GARIN1B: variants seen among roughly 807,000 people sequenced by gnomAD.
GARIN1B encodes Golgi-associated RAB2 interactor protein 1B.
the GARIN1B span, chr7:128,723,131 G>T: frequency 6.8e-7 from 1 of 1,476,624 alleles, no homozygotes; most frequent in Non-Finnish European, 9.0e-7. Context: ...TCTGGACCAT[G>T]ATATTAGGAA....
chr7:128,723,584 G>A, the GARIN1B span, among the ~76,000 whole-genome samples: 1 of 147,824 alleles, frequency 6.8e-6, no homozygotes, highest in Admixed American at 6.8e-5. Context: ...TTTGAGATAG[G>A]CTCTCACTCC....
At chr7:128,717,059 T>G in the GARIN1B span, 5 of 1,449,922 alleles carry the variant, frequency 3.4e-6, no homozygotes, top group Non-Finnish European at 4.7e-6. Flanking sequence ...AAGTGGAGGT[T>G]GCTTGACTAC....
At chr7:128,723,684 G>T in the GARIN1B span, among the ~76,000 whole-genome samples, 17 of 150,726 alleles carry the variant, frequency 1.1e-4, no homozygotes, top group Middle Eastern at 3.2e-3. Flanking sequence ...ACTAATTTTT[G>T]TATTTTTAGT....
the GARIN1B span, chr7:128,729,904 A>G: frequency 1.2e-6 from 2 of 1,613,038 alleles, no homozygotes; most frequent in Admixed American, 1.7e-5. Context: ...TGATCTAGGG[A>G]AAGATTCTTC....
At chr7:128,711,495 G>A in the GARIN1B span, among the ~76,000 whole-genome samples, 1 of 152,138 alleles carries the variant, frequency 6.6e-6, no homozygotes. Context: ...TAAGCCAGCT[G>A]TAGTAATAAT....
the GARIN1B span, chr7:128,726,700 CTT>C: frequency 6.3e-5 from 62 of 977,686 alleles, no homozygotes; most frequent in Non-Finnish European, 9.1e-5. Context: ...CACAGCTGGC[CTT>C]TTTCATATTT....
At chr7:128,722,588 G>A in the GARIN1B span, among the ~76,000 whole-genome samples, 4 of 152,200 alleles carry the variant, frequency 2.6e-5, no homozygotes, top group South Asian at 6.2e-4. Context: ...GGCAGATCAC[G>A]AGGTCAGGAG....
At chr7:128,723,537 C>T in the GARIN1B span, 1 of 327,126 alleles carries the variant, frequency 3.1e-6, no homozygotes, top group Non-Finnish European at 5.7e-6. Context: ...CGATATACTG[C>T]CACTCACTAT....
the GARIN1B span, among the ~76,000 whole-genome samples, chr7:128,728,311 G>A: frequency 6.6e-6 from 1 of 152,088 alleles, no homozygotes; most frequent in Non-Finnish European, 1.5e-5. Flanking sequence ...GCATGATGGT[G>A]CGTACCTGTA....
chr7:128,716,480 G>T, the GARIN1B span, among the ~76,000 whole-genome samples: 120 of 152,296 alleles, frequency 7.9e-4, no homozygotes, highest in African/African-American at 2.7e-3. Context: ...GTTAACAAAT[G>T]GGTGGTTGAA....
chr7:128,709,750 C>CTGTCTTTTTTTT, the GARIN1B span, among the ~76,000 whole-genome samples: 15 of 114,662 alleles, frequency 1.3e-4, 5 homozygotes, highest in Non-Finnish European at 1.2e-4. Flanking sequence ...CTCTCTCTCT[C>CTGTCTTTTTTTT]TTTTTTTTTT....
At chr7:128,716,109 T>C in the GARIN1B span, among the ~76,000 whole-genome samples, 1 of 152,166 alleles carries the variant, frequency 6.6e-6, no homozygotes, top group Non-Finnish European at 1.5e-5. Flanking sequence ...GCCTTCTCCT[T>C]GGGAGGTGAC....
chr7:128,711,166 G>C, the GARIN1B span, among the ~76,000 whole-genome samples: 1 of 152,102 alleles, frequency 6.6e-6, no homozygotes, highest in South Asian at 2.1e-4. Context: ...GGCATGCTTT[G>C]GGAGAGAAGA....
the GARIN1B span, chr7:128,730,967 A>C: frequency 3.5e-6 from 3 of 860,696 alleles, no homozygotes; most frequent in Non-Finnish European, 5.8e-6. Context: ...CCCGGCCACC[A>C]CCAACCCTTA....
At chr7:128,719,800 A>AGTG in the GARIN1B span, among the ~76,000 whole-genome samples, 15 of 149,794 alleles carry the variant, frequency 1.0e-4, no homozygotes, top group Non-Finnish European at 1.8e-4. Flanking sequence ...CCCAGGCTCA[A>AGTG]GTGATTCTCC....
chr7:128,709,726 A>C, the GARIN1B span, among the ~76,000 whole-genome samples: 3 of 131,812 alleles, frequency 2.3e-5, no homozygotes, highest in Non-Finnish European at 3.2e-5. Context: ...ATGCTAGACA[A>C]ATTCTCTCTC....
chr7:128,719,504 A>G, the GARIN1B span, among the ~76,000 whole-genome samples: 14 of 151,874 alleles, frequency 9.2e-5, no homozygotes, highest in Non-Finnish European at 2.9e-5. Context: ...AGCTCTAGGC[A>G]ACCATTATCT....
At chr7:128,716,167 G>GGGTTGAACT in the GARIN1B span, among the ~76,000 whole-genome samples, 1 of 152,142 alleles carries the variant, frequency 6.6e-6, no homozygotes, top group East Asian at 1.9e-4. Flanking sequence ...GATTGTAAAA[G>GGGTTGAACT]GGTTGAACTG....
chr7:128,713,108 C>T, the GARIN1B span, among the ~76,000 whole-genome samples: 3 of 151,992 alleles, frequency 2.0e-5, no homozygotes, highest in African/African-American at 7.2e-5. Context: ...AGTTCGAGAC[C>T]AGCCTTTAGT....
Sources: gnomAD v4.1 joint callset for allele counts (sites outside exome capture counted in the v4.1 genomes callset) on GRCh38, gnomAD v4.1.1 for gene constraint, MANE v1.5 for transcripts, NCBI Gene and HGNC (gene_info 2026-07-23, HGNC 2026-07-21) for gene names.